SYNE2: variants seen among roughly 807,000 people sequenced by gnomAD.
SYNE2 encodes nesprin-2.
Under a neutral mutation model 856.3 loss-of-function variants are expected in SYNE2, and 431 were observed. That is an observed-to-expected ratio of 0.50 (90% CI 0.47 to 0.55). The LOEUF is 0.55. SYNE2 is among the 20% of genes least tolerant of loss of function. SYNE2 has a pLI of 0.00. For missense variants in SYNE2, 8,129 were observed against 8,023.2 expected (o/e 1.01, Z -0.50); for synonymous variants, 2,923 against 2,872.3 (o/e 1.02, Z -0.56).
intron 45 of SYNE2, chr14:64,034,697 T>TGACAG (rs2097072130): frequency 4.6e-6 from 2 of 436,348 alleles, no homozygotes; most frequent in Admixed American, 7.7e-5. Context: ...ATGACAGGTA[T>TGACAG]TTGTGCTTAT....
chr14:63,819,009 T>A (rs1427242013), intron 1 of SYNE2, among the ~76,000 whole-genome samples: 1 of 151,988 alleles, frequency 6.6e-6, no homozygotes, highest in African/African-American at 2.4e-5. Flanking sequence ...AAATTTTTTT[T>A]TTCAATATTG....
Position 64,162,226 on chromosome 14 carries a change from T to C in SYNE2, c.16249T>C (p.Ser5417Pro). The C allele has an allele frequency of 6.2e-7, 1 of 1,614,154 alleles. No individual in the cohort carries two copies. Among genetic ancestry groups the C allele is most frequent in the Non-Finnish European group, 8.5e-7 (1 of 1,180,014 alleles). Residue 5417 changes from serine (S) to proline (P), a missense_variant, in exon 88 of 116, where the codon TCT becomes CCT. Ser to Pro is a moderately conservative substitution (Grantham distance 74, BLOSUM62 -1). Around this residue, in one of 3 missense-constraint regions of SYNE2, gnomAD observed 5,410 missense variants for 5,284.8 expected, o/e 1.02. Transcript: ENST00000555002. ...TCAACAGCTCGCAAACATCAGCATG[T>C]CTGGAAACAACCTGGCAGAGATCCT... is the stretch of plus-strand genomic sequence containing the variant. The part of the protein sequence containing the change: ...KFQQLANISM[S>P]GNNLAEILPP...
chr14:63,889,728 T>C lies in SYNE2; in HGVS notation c.-51-19370T>C, dbSNP rs114602140. Among the ~76,000 whole-genome samples the C allele has an allele frequency of 3.9e-5, 6 of 152,264 alleles. No individual in the cohort carries two copies. The East Asian group carries it at 9.6e-4, about 24-fold the overall frequency. On this transcript the variant is annotated intron_variant, in intron 1 of 115. Coordinates refer to ENST00000555002, the MANE Select transcript of SYNE2 (RefSeq NM_182914.3). Reference sequence around the variant, plus strand: ...CCTGGGCTCAAGTGATCCTCCCACCTTGGCCTCCTAAAATGCTGGGATTAC... The same window carrying C: ...CCTGGGCTCAAGTGATCCTCCCACCCTGGCCTCCTAAAATGCTGGGATTAC...
chr14:63,847,789 T>C (rs371288552), intron 1 of SYNE2, among the ~76,000 whole-genome samples: 171 of 152,108 alleles, frequency 1.1e-3, no homozygotes, highest in African/African-American at 3.9e-3. Context: ...TTTCACCGTG[T>C]TGGCCAGGCT....
Position 64,142,006 on chromosome 14 carries a change from TGGA to T in SYNE2, c.15226_15228del (p.Glu5076del). The T allele has an allele frequency of 6.2e-7, 1 of 1,614,124 alleles. No individual in the cohort carries two copies. Among genetic ancestry groups the T allele is most frequent in the Non-Finnish European group, 8.5e-7 (1 of 1,180,004 alleles). ...GAAATGATTAGCTGGATGAACAATG[TGGA>T]GCATCAAACTTCAGATGAAGACTCC... On this transcript the variant is annotated inframe_deletion, in exon 82 of 116. Transcript: ENST00000555002.
chr14:64,217,952 G>T (rs1355520180), intron 108 of SYNE2, among the ~76,000 whole-genome samples: 1 of 152,152 alleles, frequency 6.6e-6, no homozygotes, highest in African/African-American at 2.4e-5. Flanking sequence ...TTCATCCTCT[G>T]TGCATTTCTG....
At position 64,095,285 on chromosome 14, in the gene SYNE2, A is replaced by T. The variant is rs147781315; in HGVS notation, c.12108+1805A>T. 1.4e-3 allele frequency among the ~76,000 whole-genome samples: 217 copies of T among 152,356 alleles called. 1 individual carries two copies. Among genetic ancestry groups the T allele is most frequent in the Admixed American group, 0.01 (156 of 15,300 alleles). ...ATTGTGGACATTTTTCTTTGAAACTATACTAAAACCCAACAAGTGCAAAGT... is the reference window on the plus strand; with the variant it reads ...ATTGTGGACATTTTTCTTTGAAACTTTACTAAAACCCAACAAGTGCAAAGT... On this transcript the variant is annotated intron_variant, in intron 61 of 115. Coordinates refer to ENST00000555002, the MANE Select transcript of SYNE2 (RefSeq NM_182914.3).
chr14:64,225,140 A>G (rs2098713265), intron 115 of SYNE2, 95 bp downstream of exon 115: 2 of 1,565,232 alleles, frequency 1.3e-6, no homozygotes, highest in Non-Finnish European at 1.8e-6. Flanking sequence ...CCTTGCAAAA[A>G]TCTGGTTTTC....
At chr14:64,068,030 A>G (rs2097370966) in intron 51 of SYNE2, among the ~76,000 whole-genome samples, 1 of 152,182 alleles carries the variant, frequency 6.6e-6, no homozygotes, top group African/African-American at 2.4e-5. Flanking sequence ...CGTGAACCTG[A>G]AAGTTTTATA....
At chr14:63,784,619 C>T (rs1410747982) in intron 1 of SYNE2, among the ~76,000 whole-genome samples, 1 of 151,938 alleles carries the variant, frequency 6.6e-6, no homozygotes, top group Non-Finnish European at 1.5e-5. Context: ...CTGGGCCTCC[C>T]AAAGTGCTGG....
intron 19 of SYNE2, among the ~76,000 whole-genome samples, chr14:63,988,826 T>C (rs2096645278): frequency 6.6e-6 from 1 of 152,142 alleles, no homozygotes; most frequent in African/African-American, 2.4e-5. Context: ...GTGAAACTTA[T>C]TCACTATTTT....
chr14:64,080,175 A>C (rs929294174), intron 55 of SYNE2, among the ~76,000 whole-genome samples: 7 of 151,872 alleles, frequency 4.6e-5, no homozygotes, highest in Non-Finnish European at 8.8e-5. Context: ...GGCTATATTG[A>C]CCTTGTTTGT....
At chr14:64,181,860 A>G (rs534347596) in intron 96 of SYNE2, among the ~76,000 whole-genome samples, 186 of 152,348 alleles carry the variant, frequency 1.2e-3, no homozygotes, top group African/African-American at 4.3e-3. Flanking sequence ...GAAAATTGCT[A>G]CAATGGACAT....
In SYNE2 at chr14:63,924,832, G is replaced by GTTTTTTTTTTTTTTTTTTTTTTTTTT. The variant is rs1491139905; in HGVS notation, c.79+15606_79+15607insTTTTTTTTTTTTTTTTTTTTTTTTTT. 8.6e-4 allele frequency among the ~76,000 whole-genome samples: 80 copies of GTTTTTTTTTTTTTTTTTTTTTTTTTT among 92,854 alleles called. 27 individuals carry two copies. The highest frequency in any genetic ancestry group is 3.6e-3 in the South Asian group (10 of 2,764). 60.9% of individuals were successfully genotyped at this position (92,854 alleles called of 152,430 possible). On this transcript the variant is annotated intron_variant, in intron 2 of 115. Coordinates refer to ENST00000555002, the MANE Select transcript of SYNE2 (RefSeq NM_182914.3). Reference sequence around the variant, plus strand: ...TTTAACTTTTTTCCTTCCAGCCTTGGTGTTTTTTTTTTTTTTTTTTTTTTT... The same window carrying GTTTTTTTTTTTTTTTTTTTTTTTTTT: ...TTTAACTTTTTTCCTTCCAGCCTTGGTTTTTTTTTTTTTTTTTTTTTTTTTTTGTTTTTTTTTTTTTTTTTTTTTTT...
In SYNE2 at chr14:64,121,007, C is replaced by T; in HGVS notation, c.13104C>T (p.Ser4368=). ...LQPVNLSELE[S]IVTERPQFSR... ...CAGTTAACCTTTCTGAATTGGAATCCATTGTAACTGAAAGGCCACAATTCA... is the reference window on the plus strand; with the variant it reads ...CAGTTAACCTTTCTGAATTGGAATCTATTGTAACTGAAAGGCCACAATTCA... Residue 4368 remains serine (S), a synonymous_variant, in exon 68 of 116, where the codon TCC becomes TCT. Coordinates refer to ENST00000555002, the MANE Select transcript of SYNE2 (RefSeq NM_182914.3). 1 of 1,614,182 alleles carries T rather than the reference C, an allele frequency of 6.2e-7. No homozygotes were observed. Among genetic ancestry groups the T allele is most frequent in the Non-Finnish European group, 8.5e-7 (1 of 1,180,014 alleles).
intron 112 of SYNE2, among the ~76,000 whole-genome samples, chr14:64,222,412 GTTAAT>G (rs1038983680): frequency 1.3e-5 from 2 of 152,132 alleles, no homozygotes; most frequent in African/African-American, 4.8e-5. Context: ...TTTAATTTTA[GTTAAT>G]TTAAATAGCC....
At chr14:64,204,277 G>A (rs911857181) in intron 100 of SYNE2, 4 of 152,190 alleles carry the variant, frequency 2.6e-5, no homozygotes, top group Non-Finnish European at 5.9e-5. Flanking sequence ...TCTCATTGGA[G>A]TCACAGCTAC....
chr14:64,218,322 A>T (rs1377392439), intron 108 of SYNE2, 76 bp from the exon 109 acceptor site: 65 of 1,319,918 alleles, frequency 4.9e-5, no homozygotes, highest in Non-Finnish European at 6.8e-5. Flanking sequence ...TTCACTGTTA[A>T]TATGAAATGA....
At chr14:64,164,066 C>A (rs2098352653) in intron 89 of SYNE2, among the ~76,000 whole-genome samples, 1 of 151,414 alleles carries the variant, frequency 6.6e-6, no homozygotes, top group Non-Finnish European at 1.5e-5. Flanking sequence ...ACTACAGGCA[C>A]CCACCACCAC....
Sources: allele counts gnomAD v4.1 joint callset (sites outside exome capture counted in the v4.1 genomes callset), GRCh38; gene constraint gnomAD v4.1.1; regional missense constraint gnomAD v4.1.1; transcripts MANE v1.5; gene names NCBI Gene and HGNC (gene_info 2026-07-23, HGNC 2026-07-21).